The following DAB1 variants were observed in gnomAD, a reference collection of about 807,000 sequenced individuals.
DAB1 encodes disabled homolog 1.
DAB1 carries 15 observed loss-of-function variants against 64.6 expected under a neutral mutation model. The ratio of observed to expected loss-of-function variants is 0.23; its 90% CI spans 0.16 to 0.36. The LOEUF is 0.36. Ranked by LOEUF, DAB1 falls within the 10% of genes least tolerant of loss-of-function variation. DAB1 has a pLI of 1.00. For missense variants in DAB1, 596 were observed against 706.7 expected (o/e 0.84, Z 1.78); for synonymous variants, 235 against 251.9 (o/e 0.93, Z 0.64).
At chr1:57,106,817 C>T (rs533069415) in intron 4 of DAB1, among the ~76,000 whole-genome samples, 2 of 152,184 alleles carry the variant, frequency 1.3e-5, no homozygotes, top group Admixed American at 6.5e-5. Flanking sequence ...TGTGCTTGCC[C>T]TCAAGACTCA....
chr1:57,984,243 AGAAAGAAAG>A (rs1557595111), intron 5 of DAB1, among the ~76,000 whole-genome samples: 4 of 148,702 alleles, frequency 2.7e-5, no homozygotes, highest in African/African-American at 4.9e-5. Context: ...AAAGAAAGAA[AGAAAGAAAG>A]AAAGAAAGAA....
intron 4 of DAB1, among the ~76,000 whole-genome samples, chr1:58,258,393 G>T (rs1557716997): frequency 6.6e-6 from 1 of 152,258 alleles, no homozygotes; most frequent in Non-Finnish European, 1.5e-5. Context: ...TGCAGGTCTA[G>T]CTGGGAGCTT....
intron 1 of DAB1, among the ~76,000 whole-genome samples, chr1:57,395,031 G>GT (rs1256699453): frequency 6.6e-6 from 1 of 151,920 alleles, no homozygotes; most frequent in Non-Finnish European, 1.5e-5. Flanking sequence ...TATGTTTTTT[G>GT]TTTTTTGTTT....
At chr1:57,493,060 C>A (rs1644184182) in intron 7 of DAB1, among the ~76,000 whole-genome samples, 1 of 152,034 alleles carries the variant, frequency 6.6e-6, no homozygotes, top group African/African-American at 2.4e-5. Context: ...CACATAGCAG[C>A]CCGCCTCCCC....
intron 3 of DAB1, among the ~76,000 whole-genome samples, chr1:58,448,030 T>C (rs1233947100): frequency 6.6e-6 from 1 of 152,024 alleles, no homozygotes; most frequent in Non-Finnish European, 1.5e-5. Context: ...CCTCATGCAA[T>C]GGCTAACACA....
chr1:57,486,894 G>A (rs180996288), intron 7 of DAB1, among the ~76,000 whole-genome samples: 1 of 150,784 alleles, frequency 6.6e-6, no homozygotes, highest in African/African-American at 2.4e-5. Context: ...AAGAAGACAG[G>A]TCAAAACATC....
At chr1:58,096,921 G>C (rs376380314) in intron 5 of DAB1, among the ~76,000 whole-genome samples, 1 of 152,028 alleles carries the variant, frequency 6.6e-6, no homozygotes, top group Non-Finnish European at 1.5e-5. Context: ...AACTTTCAAG[G>C]GCACATTCCC....
intron 4 of DAB1, among the ~76,000 whole-genome samples, chr1:58,192,314 C>T (rs943137017): frequency 6.6e-6 from 1 of 152,164 alleles, no homozygotes; most frequent in African/African-American, 2.4e-5. Context: ...AGATTCCTTA[C>T]ATGCATATAC....
chr1:57,235,061 G>A (rs377259497), intron 2 of DAB1, among the ~76,000 whole-genome samples: 5 of 152,116 alleles, frequency 3.3e-5, no homozygotes, highest in Admixed American at 6.5e-5. Context: ...GTAACATAAC[G>A]TGATCACTCA....
At chr1:58,198,469 T>C (rs1657813667) in intron 4 of DAB1, among the ~76,000 whole-genome samples, 1 of 152,220 alleles carries the variant, frequency 6.6e-6, no homozygotes, top group Non-Finnish European at 1.5e-5. Context: ...TGTATGACTT[T>C]AGGCAAGTCC....
intron 5 of DAB1, among the ~76,000 whole-genome samples, chr1:57,983,773 T>C (rs1202608416): frequency 2.6e-5 from 4 of 152,200 alleles, no homozygotes; most frequent in African/African-American, 9.6e-5. Flanking sequence ...GAAGCCTCCT[T>C]ATTCTTTCAT....
At chr1:57,654,895 C>G (rs1000762854) in intron 6 of DAB1, among the ~76,000 whole-genome samples, 1 of 152,104 alleles carries the variant, frequency 6.6e-6, no homozygotes, top group Non-Finnish European at 1.5e-5. Context: ...ATAATTACTT[C>G]TAATATTTTT....
intron 1 of DAB1, among the ~76,000 whole-genome samples, chr1:57,372,578 C>T (rs1680585169): frequency 1.3e-5 from 2 of 151,918 alleles, no homozygotes; most frequent in African/African-American, 2.4e-5. Flanking sequence ...TGACTTTACA[C>T]AGCATGTTTT....
At chr1:57,659,995 A>AAATT (rs1448829818) in intron 6 of DAB1, among the ~76,000 whole-genome samples, 1 of 143,592 alleles carries the variant, frequency 7.0e-6, no homozygotes, top group Non-Finnish European at 1.5e-5. Context: ...ATAAATAAAT[A>AAATT]AATAAATAAA....
chr1:57,152,865 G>T, intron 2 of DAB1, among the ~76,000 whole-genome samples: 1 of 152,160 alleles, frequency 6.6e-6, no homozygotes, highest in East Asian at 1.9e-4. Context: ...AAGTGCTAAA[G>T]CTAGGATTTG....
chr1:57,012,807 TG>T (rs1389571372), intron 12 of DAB1, among the ~76,000 whole-genome samples: 1 of 152,268 alleles, frequency 6.6e-6, no homozygotes, highest in Admixed American at 6.5e-5. Context: ...AGTGGATTTT[TG>T]CTTACTAAAG....
At chr1:57,889,734 T>G (rs1315487135) in intron 5 of DAB1, among the ~76,000 whole-genome samples, 2 of 152,062 alleles carry the variant, frequency 1.3e-5, no homozygotes, top group Non-Finnish European at 2.9e-5. Flanking sequence ...ATTGGAGAAT[T>G]GGTTCTTAGA....
intron 4 of DAB1, among the ~76,000 whole-genome samples, chr1:57,086,546 C>T (rs1426397346): frequency 6.6e-6 from 1 of 152,044 alleles, no homozygotes; most frequent in African/African-American, 2.4e-5. Context: ...AATCCTGCCT[C>T]CCCTCACTGC....
intron 7 of DAB1, among the ~76,000 whole-genome samples, chr1:57,631,491 T>A (rs747878613): frequency 3.9e-5 from 6 of 152,354 alleles, no homozygotes; most frequent in Non-Finnish European, 8.8e-5. Context: ...CTAGTTTATA[T>A]GCTATTTAGT....
Sources: gnomAD v4.1 joint callset for allele counts (sites outside exome capture counted in the v4.1 genomes callset) on GRCh38, gnomAD v4.1.1 for gene constraint, MANE v1.5 for transcripts, NCBI Gene and HGNC (gene_info 2026-07-23, HGNC 2026-07-21) for gene names.